RANBP3: variants seen among roughly 807,000 people sequenced by gnomAD.
The protein encoded by RANBP3 is RAN binding protein 3.
RANBP3 carries 14 observed loss-of-function variants against 77.3 expected under a neutral mutation model. The ratio of observed to expected loss-of-function variants is 0.18; its 90% CI spans 0.12 to 0.28. RANBP3 has a LOEUF of 0.28. Among genes scored for constraint, RANBP3 ranks in the 10% least tolerant of loss-of-function variants. The pLI is 1.00. For missense variants in RANBP3, 586 were observed against 752.3 expected (o/e 0.78, Z 2.59); for synonymous variants, 315 against 312.4 (o/e 1.01, Z -0.09).
intron 1 of RANBP3, among the ~76,000 whole-genome samples, chr19:5,964,427 A>C (rs1312162691): frequency 6.6e-6 from 1 of 152,036 alleles, no homozygotes; most frequent in African/African-American, 2.4e-5. Context: ...AAAAGATTCA[A>C]TCCTAATATT....
chr19:5,943,134 G>A (rs1375065397), intron 3 of RANBP3, among the ~76,000 whole-genome samples: 1 of 152,222 alleles, frequency 6.6e-6, no homozygotes, highest in Non-Finnish European at 1.5e-5. Context: ...ACCGATGAGT[G>A]AGGGCCGCTC....
At chr19:5,949,178 GT>G (rs1163635207) in intron 3 of RANBP3, among the ~76,000 whole-genome samples, 1 of 152,192 alleles carries the variant, frequency 6.6e-6, no homozygotes, top group Non-Finnish European at 1.5e-5. Flanking sequence ...CATGGGGGTG[GT>G]TTCCTGAACA....
chr19:5,972,783 C>T (rs1342297892), intron 1 of RANBP3, among the ~76,000 whole-genome samples: 1 of 152,202 alleles, frequency 6.6e-6, no homozygotes, highest in Non-Finnish European at 1.5e-5. Flanking sequence ...CCAAATGCCA[C>T]TCGAAGCTCA....
chr19:5,944,816 C>T (rs1166406231), intron 3 of RANBP3, among the ~76,000 whole-genome samples: 4 of 152,224 alleles, frequency 2.6e-5, no homozygotes, highest in African/African-American at 9.6e-5. Context: ...CCCCCAAGTC[C>T]CATCCTGTGG....
chr19:5,933,733 G>T (rs556144362), intron 5 of RANBP3: 9 of 421,458 alleles, frequency 2.1e-5, no homozygotes, highest in African/African-American at 1.9e-4. Context: ...CAGGTGGGGC[G>T]TCAGCCGCCC....
In RANBP3 at chr19:5,958,629, G is replaced by A. The variant is rs1599780777; in HGVS notation, c.23-656C>T. Among the ~76,000 whole-genome samples, 2 of 152,364 alleles carry A rather than the reference G, an allele frequency of 1.3e-5. No individual in the cohort carries two copies. Among genetic ancestry groups the A allele is most frequent in the South Asian group, 2.1e-4 (1 of 4,830 alleles). On this transcript the variant is annotated intron_variant, in intron 1 of 16. Coordinates refer to ENST00000340578, the MANE Select transcript of RANBP3 (RefSeq NM_007322.3). This position sits in a 1 kb window ranked among gnomAD's most constrained non-coding sequence, Gnocchi z 4.4. ...GCAACACCATCTGTCTCCTACCCAG[G>A]GGCAGCCAGATCCACAGCCCTGTGC...
At chr19:5,966,436 T>C (rs1226504614) in intron 1 of RANBP3, among the ~76,000 whole-genome samples, 1 of 152,272 alleles carries the variant, frequency 6.6e-6, no homozygotes, top group African/African-American at 2.4e-5. Context: ...AGCTGCTTTC[T>C]GTCTTCATCT....
intron 1 of RANBP3, chr19:5,962,581 G>T (rs918612658): frequency 2.2e-6 from 1 of 445,192 alleles, no homozygotes; most frequent in Non-Finnish European, 4.5e-6. Flanking sequence ...GGAACCAAGA[G>T]GATACAGCAA....
chr19:5,929,805 CAGT>C (rs2057964354), intron 8 of RANBP3, among the ~76,000 whole-genome samples: 1 of 152,372 alleles, frequency 6.6e-6, no homozygotes, highest in African/African-American at 2.4e-5. Flanking sequence ...CGAATCTCAA[CAGT>C]ACTGGGTGTG....
rs916887808 is a variant in RANBP3, at chr19:5,926,288, T to C, written c.814-551A>G. Among the ~76,000 whole-genome samples, 7 of 152,280 alleles carry C rather than the reference T, an allele frequency of 4.6e-5. No homozygotes were observed. In the East Asian group the frequency reaches 1.3e-3, roughly 29 times the overall value. The stretch of plus-strand genomic sequence containing the variant: ...CTGGCTGGGCGCGGTGGCTCGTGCC[T>C]GTAATACCAGCACTTTGGGAGGCTG... On this transcript the variant is annotated intron_variant, in intron 9 of 16. Coordinates refer to ENST00000340578, the MANE Select transcript of RANBP3 (RefSeq NM_007322.3).
intron 9 of RANBP3, among the ~76,000 whole-genome samples, 180 bp from the exon 10 acceptor site, chr19:5,925,917 C>A (rs41276872): frequency 7.5e-4 from 114 of 152,236 alleles, no homozygotes; most frequent in Non-Finnish European, 9.3e-4. Context: ...TCAACTCCAT[C>A]ACCTTTTGCT....
chr19:5,917,859 G>T lies in RANBP3; in HGVS notation c.1595C>A (p.Pro532Gln), dbSNP rs1032477838. The T allele has an allele frequency of 6.2e-7, 1 of 1,612,842 alleles. No individual in the cohort carries two copies. The highest frequency in any genetic ancestry group is 8.5e-7 in the Non-Finnish European group (1 of 1,179,918). ...GTCGCTGTCGTCCTCCTCGTTGGATGGGGCTGCCCCAGGCTCAGGCGCGGG... is the reference window on the plus strand; with the variant it reads ...GTCGCTGTCGTCCTCCTCGTTGGATTGGGCTGCCCCAGGCTCAGGCGCGGG... ...KMPAPEPGAAPSNEEDDSDDD... is the reference protein window; with the variant it reads ...KMPAPEPGAAQSNEEDDSDDD... Residue 532 changes from proline to glutamine, a missense_variant, in exon 16 of 17, where the codon CCA becomes CAA. Transcript: ENST00000340578.
intron 13 of RANBP3, among the ~76,000 whole-genome samples, chr19:5,922,136 G>A (rs987405003): frequency 7.3e-6 from 1 of 137,258 alleles, no homozygotes; most frequent in African/African-American, 2.5e-5. Flanking sequence ...TTAGATTCTG[G>A]TGAAAGTTGT....
intron 9 of RANBP3, among the ~76,000 whole-genome samples, chr19:5,927,198 C>A (rs994963324): frequency 6.6e-6 from 1 of 152,110 alleles, no homozygotes; most frequent in Non-Finnish European, 1.5e-5. Context: ...TGCTGGCTGA[C>A]CCTGGTCTTC....
At chr19:5,975,291 G>C (rs1190002252) in intron 1 of RANBP3, among the ~76,000 whole-genome samples, 1 of 152,132 alleles carries the variant, frequency 6.6e-6, no homozygotes, top group African/African-American at 2.4e-5. Flanking sequence ...AACGTGCTAG[G>C]TGAGTGTGGC....
chr19:5,961,315 T>A (rs1263092131), intron 1 of RANBP3, among the ~76,000 whole-genome samples: 1 of 151,032 alleles, frequency 6.6e-6, no homozygotes, highest in Non-Finnish European at 1.5e-5. Flanking sequence ...TGGTGGCAGG[T>A]GCCTTTAGTC....
At chr19:5,923,413 C>T in intron 12 of RANBP3, 110 bp from the exon 13 acceptor site, 3 of 1,098,110 alleles carry the variant, frequency 2.7e-6, no homozygotes, top group Non-Finnish European at 4.0e-6. Context: ...AGGACGCCTG[C>T]TGCCCCTGGC....
chr19:5,936,726 A>G (rs1052318971), intron 5 of RANBP3, among the ~76,000 whole-genome samples: 2 of 152,216 alleles, frequency 1.3e-5, no homozygotes, highest in African/African-American at 4.8e-5. Context: ...TCCACTGGCC[A>G]AATCTGGGAC....
intron 15 of RANBP3, 95 bp from the exon 16 acceptor site, chr19:5,918,075 T>G: frequency 7.3e-7 from 1 of 1,360,684 alleles, no homozygotes; most frequent in Non-Finnish European, 9.9e-7. Flanking sequence ...GGTTCAGAGG[T>G]GACACTGCCA....
Sources: allele counts gnomAD v4.1 joint callset (sites outside exome capture counted in the v4.1 genomes callset), GRCh38; gene constraint gnomAD v4.1.1; non-coding constraint Gnocchi (gnomAD v3.1); transcripts MANE v1.5; gene names NCBI Gene and HGNC (gene_info 2026-07-23, HGNC 2026-07-21).